The following AFF4 variants were observed in gnomAD, a reference collection of about 807,000 sequenced individuals.
The protein encoded by AFF4 is AF4/FMR2 family member 4.
Under a neutral mutation model 124.8 loss-of-function variants are expected in AFF4, and 13 were observed. That is an observed-to-expected ratio of 0.10 (90% confidence interval 0.07 to 0.17). AFF4 has a LOEUF of 0.17. AFF4 is among the 10% of genes least tolerant of loss of function. The pLI is 1.00. For missense variants in AFF4, 1,092 were observed against 1,403.8 expected (o/e 0.78, Z 3.55); for synonymous variants, 477 against 496.1 (o/e 0.96, Z 0.51).
intron 5 of AFF4, among the ~76,000 whole-genome samples, chr5:132,909,123 CTTTTTT>C (rs34141962): frequency 2.7e-5 from 3 of 112,812 alleles, no homozygotes; most frequent in Non-Finnish European, 5.3e-5. Context: ...AAAACATCAT[CTTTTTT>C]TTTTTTTTTT....
In AFF4 at chr5:132,897,190, T is replaced by C; in HGVS notation, c.1440A>G (p.Lys480=). ...NKWQLDNWLN[K]VNPHKVSPAS... is the part of the protein sequence containing the mutation. ...CGGGTGACACTTTATGTGGGTTCAC[T>C]TTATTCAGCCAATTATCAAGTTGCC... is the stretch of plus-strand genomic sequence containing the variant. Residue 480 remains lysine (K), a synonymous_variant, in exon 11 of 21, where the codon AAA becomes AAG. Transcript: ENST00000265343. 2 of 1,614,180 alleles carry C rather than the reference T, an allele frequency of 1.2e-6. No homozygotes were observed. Among genetic ancestry groups the C allele is most frequent in the Non-Finnish European group, 1.7e-6 (2 of 1,180,004 alleles).
rs79986543 is a variant in AFF4 at position 132,963,061 on chromosome 5, T to A, written c.-5+198A>T. Among the ~76,000 whole-genome samples the A allele has an allele frequency of 7.8e-3, 1,192 of 152,292 alleles. 12 individuals are homozygous for A. Among genetic ancestry groups the A allele is most frequent in the African/African-American group, 0.024 (997 of 41,566 alleles). On this transcript the variant is annotated intron_variant, in intron 1 of 20. Coordinates refer to ENST00000265343, the MANE Select transcript of AFF4 (RefSeq NM_014423.4). Reference sequence around the variant, plus strand: ...TTGTTAGGATTGGGTTAGCTTTTTTTATTTTCTTATCTTTGCGGGAAGGTG... The same window carrying A: ...TTGTTAGGATTGGGTTAGCTTTTTTAATTTTCTTATCTTTGCGGGAAGGTG...
At chr5:132,938,221 G>A (rs548186337) in intron 1 of AFF4, among the ~76,000 whole-genome samples, 6 of 151,210 alleles carry the variant, frequency 4.0e-5, no homozygotes, top group African/African-American at 1.2e-4. Context: ...AAGTTCATCA[G>A]AAACTATAAT....
intron 1 of AFF4, among the ~76,000 whole-genome samples, chr5:132,960,707 GAAC>G (rs1457118080): frequency 1.4e-4 from 21 of 152,034 alleles, no homozygotes; most frequent in South Asian, 8.3e-4. Flanking sequence ...TAAGTTGATA[GAAC>G]AACAATTTCA....
At chr5:132,901,635 CAAAATA>C (rs1369047765) in intron 7 of AFF4, among the ~76,000 whole-genome samples, 1 of 152,030 alleles carries the variant, frequency 6.6e-6, no homozygotes, top group Non-Finnish European at 1.5e-5. Flanking sequence ...CTTCTACCAA[CAAAATA>C]AAAATAAGAA....
At chr5:132,885,658 G>A (rs1157454971) in intron 18 of AFF4, among the ~76,000 whole-genome samples, 2 of 152,154 alleles carry the variant, frequency 1.3e-5, no homozygotes, top group Non-Finnish European at 2.9e-5. Context: ...AGGGTTCCAA[G>A]TCATAATCAG....
At chr5:132,937,939 A>AT (rs1761470213) in intron 1 of AFF4, among the ~76,000 whole-genome samples, 1 of 152,176 alleles carries the variant, frequency 6.6e-6, no homozygotes, top group South Asian at 2.1e-4. Context: ...AGTTTGTCTT[A>AT]TTTTCACTAG....
Position 132,888,041 on chromosome 5 carries a change from A to G in AFF4, c.2796+56T>C, listed in dbSNP as rs374398356. ...ATCTACTATGGCTACAAACATCAGA[A>G]GATTACTTAAGTTAATTTGATTAAA... On this transcript the variant is annotated intron_variant, in intron 15 of 20. Coordinates refer to ENST00000265343, the MANE Select transcript of AFF4 (RefSeq NM_014423.4). 4.0e-5 allele frequency: 65 copies of G among 1,606,866 alleles called. No homozygotes were observed. In the African/African-American group the frequency reaches 8.2e-4, roughly 20 times the overall value.
rs1388262873 is a variant in AFF4 at position 132,940,470 on chromosome 5, C to T, written c.-4-3277G>A. ...GAGTCGAGATCGCACCACTGCACTCCAGCCTGGGCGACAGAGGGAGACTCC... is the reference window on the plus strand; with the variant it reads ...GAGTCGAGATCGCACCACTGCACTCTAGCCTGGGCGACAGAGGGAGACTCC... On this transcript the variant is annotated intron_variant, in intron 1 of 20. Transcript: ENST00000265343. Among the ~76,000 whole-genome samples, 5 of 151,928 alleles carry T rather than the reference C, an allele frequency of 3.3e-5. No homozygotes were observed. In the East Asian group the frequency reaches 7.7e-4, roughly 24 times the overall value.
chr5:132,887,622 A>C, intron 16 of AFF4, 30 bp from the exon 17 acceptor site: 1 of 1,585,888 alleles, frequency 6.3e-7, no homozygotes, highest in South Asian at 1.1e-5. Flanking sequence ...AACAAATGAC[A>C]AACAGAATAC....
chr5:132,935,265 TTC>T (rs1761397970), intron 2 of AFF4, among the ~76,000 whole-genome samples: 1 of 152,190 alleles, frequency 6.6e-6, no homozygotes, highest in Non-Finnish European at 1.5e-5. Context: ...GCACTATGAT[TTC>T]ACCTGTGAAG....
chr5:132,922,227 G>C (rs1230449512), intron 5 of AFF4, among the ~76,000 whole-genome samples: 3 of 152,094 alleles, frequency 2.0e-5, no homozygotes, highest in Non-Finnish European at 4.4e-5. Flanking sequence ...AGAGCAGCCT[G>C]AGCAATGTGG....
intron 1 of AFF4, among the ~76,000 whole-genome samples, chr5:132,958,852 CG>C (rs1762018179): frequency 6.6e-6 from 1 of 152,132 alleles, no homozygotes; most frequent in Non-Finnish European, 1.5e-5. Context: ...GCCCTGTCCC[CG>C]AACAGATCTC....
intron 5 of AFF4, among the ~76,000 whole-genome samples, chr5:132,906,589 G>A (rs1468681614): frequency 2.0e-5 from 3 of 152,160 alleles, no homozygotes; most frequent in African/African-American, 7.2e-5. Flanking sequence ...GTAGATTAGT[G>A]GTTGCTTAAG....
chr5:132,901,693 T>C (rs746410333), intron 7 of AFF4, among the ~76,000 whole-genome samples: 3 of 152,214 alleles, frequency 2.0e-5, no homozygotes, highest in Non-Finnish European at 4.4e-5. Flanking sequence ...CTTAATCTAG[T>C]GGTTAAATGA....
intron 1 of AFF4, among the ~76,000 whole-genome samples, chr5:132,949,839 C>T (rs1277692065): frequency 7.8e-6 from 1 of 127,942 alleles, no homozygotes; most frequent in Non-Finnish European, 1.6e-5. Context: ...TAGAGCGAGA[C>T]TCTGTCTCAA....
At chr5:132,956,431 G>A (rs1198731091) in intron 1 of AFF4, among the ~76,000 whole-genome samples, 1 of 152,096 alleles carries the variant, frequency 6.6e-6, no homozygotes, top group Non-Finnish European at 1.5e-5. Context: ...AGAAGTTCAA[G>A]ACCAGCCTGG....
intron 11 of AFF4, among the ~76,000 whole-genome samples, chr5:132,893,858 C>T (rs1309378039): frequency 6.6e-6 from 1 of 152,180 alleles, no homozygotes; most frequent in Non-Finnish European, 1.5e-5. Flanking sequence ...CCTCCTCCCC[C>T]AGACACTGGC....
At chr5:132,893,834 G>C (rs2150070719) in intron 11 of AFF4, among the ~76,000 whole-genome samples, 1 of 152,208 alleles carries the variant, frequency 6.6e-6, no homozygotes, top group African/African-American at 2.4e-5. Flanking sequence ...CCCATTAGTA[G>C]TCACTCCCCA....
Sources: gnomAD v4.1 joint callset for allele counts (sites outside exome capture counted in the v4.1 genomes callset) on GRCh38, gnomAD v4.1.1 for gene constraint, MANE v1.5 for transcripts, NCBI Gene and HGNC (gene_info 2026-07-23, HGNC 2026-07-21) for gene names.